MCPH1: variants seen among roughly 807,000 people sequenced by gnomAD.
The protein encoded by MCPH1 is microcephalin 1.
Under a neutral mutation model 84.5 loss-of-function variants are expected in MCPH1, and 104 were observed. The ratio of observed to expected loss-of-function variants is 1.23; its 90% CI spans 1.05 to 1.45. The LOEUF is 1.45. MCPH1 is among the 40% of genes most tolerant of loss of function. The pLI, the probability that MCPH1 is intolerant of heterozygous loss-of-function variation, is 0.00. For synonymous variants in MCPH1, 514 were observed against 366.8 expected (o/e 1.40, Z -4.58); for missense variants, 1,498 against 1,005.7 (o/e 1.49, Z -6.62).
intron 12 of MCPH1, among the ~76,000 whole-genome samples, chr8:6,614,107 T>A (rs1406503338): frequency 6.6e-6 from 1 of 151,956 alleles, no homozygotes; most frequent in African/African-American, 2.4e-5. Context: ...AACTCTACAC[T>A]GAGAATTATT....
In MCPH1 at chr8:6,643,358, A is replaced by C; in HGVS notation, c.*309A>C. 1 of 375,612 alleles carries C rather than the reference A, an allele frequency of 2.7e-6. No homozygotes were observed. The highest frequency in any genetic ancestry group is 4.1e-5 in the Admixed American group (1 of 24,540). 23.3% of individuals were successfully genotyped at this position (375,612 alleles called of 1,614,324 possible). Reference sequence around the variant, plus strand: ...CGGCTCACTGCAACCTCCACCTCCCAGGTTCAAGCGATTCTGCTGCCTCAG... The same window carrying C: ...CGGCTCACTGCAACCTCCACCTCCCCGGTTCAAGCGATTCTGCTGCCTCAG... On this transcript the variant is annotated 3_prime_UTR_variant, in exon 14 of 14. Transcript: ENST00000344683.
chr8:6,461,097 A>C (rs973855229), intron 9 of MCPH1, among the ~76,000 whole-genome samples: 12 of 152,188 alleles, frequency 7.9e-5, no homozygotes, highest in Non-Finnish European at 1.3e-4. Context: ...CAGTTTGCAA[A>C]AGACACACTA....
chr8:6,411,890 A>C (rs759462498), intron 2 of MCPH1, among the ~76,000 whole-genome samples: 1 of 152,150 alleles, frequency 6.6e-6, no homozygotes, highest in Non-Finnish European at 1.5e-5. Context: ...ATGTGCTCTT[A>C]TAGGGAGTTT....
chr8:6,466,963 G>A (rs1585936690), intron 9 of MCPH1, among the ~76,000 whole-genome samples: 1 of 152,190 alleles, frequency 6.6e-6, no homozygotes, highest in East Asian at 1.9e-4. Context: ...TAATATTTAG[G>A]AATATAAATT....
At chr8:6,642,545 A>G (rs1035948052) in intron 13 of MCPH1, 4 of 227,908 alleles carry the variant, frequency 1.8e-5, no homozygotes, top group Admixed American at 4.9e-5. Flanking sequence ...CTGGGTAGAT[A>G]GGATAGCACG....
chr8:6,611,645 G>C (rs1470068485), intron 12 of MCPH1, among the ~76,000 whole-genome samples: 2 of 151,644 alleles, frequency 1.3e-5, no homozygotes, highest in African/African-American at 2.4e-5. Context: ...TAAAGACATA[G>C]TCTCACTCTG....
chr8:6,545,473 G>C (rs1055844873), intron 12 of MCPH1, among the ~76,000 whole-genome samples: 1 of 152,128 alleles, frequency 6.6e-6, no homozygotes. Flanking sequence ...TTTCATCTAG[G>C]AGCACCTAAA....
chr8:6,427,620 TC>T (rs1439523876), intron 3 of MCPH1, among the ~76,000 whole-genome samples: 1 of 152,076 alleles, frequency 6.6e-6, no homozygotes, highest in East Asian at 1.9e-4. Flanking sequence ...CCTCAAACAG[TC>T]CTCCTACCTC....
At chr8:6,606,107 C>T (rs1434081204) in intron 12 of MCPH1, among the ~76,000 whole-genome samples, 1 of 152,194 alleles carries the variant, frequency 6.6e-6, no homozygotes, top group African/African-American at 2.4e-5. Flanking sequence ...TTGATAAGTT[C>T]AGTGGCTCCT....
In MCPH1 at chr8:6,444,808, C is replaced by T. The variant is rs768407451; in HGVS notation, c.1086C>T (p.Gly362=). 5.0e-6 allele frequency: 8 copies of T among 1,613,972 alleles called. No individual in the cohort carries two copies. In the South Asian group the frequency reaches 5.5e-5, roughly 11 times the overall value. ...TAAAGAGAAAAAGAGTATCACATGG[C>T]TCCCATTCACCTCCGAAGGAAAAAT... ...SSVKRKRVSH[G]SHSPPKEKCK... is the part of the protein sequence containing the mutation. The change falls in exon 8 of 14, where the codon GGC becomes GGT. Residue 362 remains glycine, a synonymous_variant. Transcript: ENST00000344683.
chr8:6,462,164 T>C (rs969945078), intron 9 of MCPH1, among the ~76,000 whole-genome samples: 4 of 152,202 alleles, frequency 2.6e-5, no homozygotes, highest in African/African-American at 7.2e-5. Flanking sequence ...TTGATAGTGG[T>C]TTAAAAAAAT....
chr8:6,593,265 T>G (rs933151432), intron 12 of MCPH1, among the ~76,000 whole-genome samples: 2 of 151,762 alleles, frequency 1.3e-5, no homozygotes, highest in Non-Finnish European at 2.9e-5. Flanking sequence ...GTCTTTTTAA[T>G]AGAGATGGGA....
chr8:6,621,751 G>T, intron 13 of MCPH1, 60 bp downstream of exon 13: 2 of 1,611,536 alleles, frequency 1.2e-6, no homozygotes, highest in Non-Finnish European at 8.5e-7. Flanking sequence ...AGGTTTCCAG[G>T]GAGGGCGGCG....
rs1798213130 is a variant in MCPH1 at position 6,646,287 on chromosome 8, A to T, written c.*3238A>T. 1 of 152,202 alleles carries T rather than the reference A, an allele frequency of 6.6e-6. No individual in the cohort carries two copies. Among genetic ancestry groups the T allele is most frequent in the Admixed American group, 6.5e-5 (1 of 15,278 alleles). The allele number at this position is 152,202 out of a possible 1,614,324, so 9.4% of individuals were successfully genotyped here. On this transcript the variant is annotated 3_prime_UTR_variant, in exon 14 of 14. Coordinates refer to ENST00000344683, the MANE Select transcript of MCPH1 (RefSeq NM_024596.5). ...TAGAAATACAAAAAATTAGCCAGGC[A>T]TGATGGCACACACCTGTAATCTCAG...
intron 12 of MCPH1, among the ~76,000 whole-genome samples, chr8:6,592,930 G>T (rs908975472): frequency 1.3e-5 from 2 of 150,348 alleles, no homozygotes; most frequent in African/African-American, 4.9e-5. Context: ...TCCTCCCAAA[G>T]TGCTGGGATT....
intron 12 of MCPH1, among the ~76,000 whole-genome samples, chr8:6,545,549 T>G (rs1245503448): frequency 6.6e-6 from 1 of 152,226 alleles, no homozygotes; most frequent in East Asian, 1.9e-4. Context: ...AACTGTGGAT[T>G]AAACCATTCC....
chr8:6,447,226 A>T (rs1804534746), intron 8 of MCPH1: 1 of 985,228 alleles, frequency 1.0e-6, no homozygotes, highest in Non-Finnish European at 1.2e-6. Context: ...GCCCCCTGGG[A>T]CTCAGGTGAA....
chr8:6,640,093 T>TGTGC (rs1797840578), intron 13 of MCPH1, among the ~76,000 whole-genome samples: 4 of 141,702 alleles, frequency 2.8e-5, no homozygotes, highest in African/African-American at 8.1e-5. Flanking sequence ...TGTGTGTGTG[T>TGTGC]GTGTGCGCGC....
At chr8:6,632,509 C>G (rs1176336243) in intron 13 of MCPH1, among the ~76,000 whole-genome samples, 1 of 152,052 alleles carries the variant, frequency 6.6e-6, no homozygotes, top group Non-Finnish European at 1.5e-5. Flanking sequence ...CATTTGTAAA[C>G]AAGTACATAA....
Sources: allele counts gnomAD v4.1 joint callset (sites outside exome capture counted in the v4.1 genomes callset), GRCh38; gene constraint gnomAD v4.1.1; transcripts MANE v1.5; gene names NCBI Gene and HGNC (gene_info 2026-07-23, HGNC 2026-07-21).